The following MSH6 variants were observed in gnomAD, a reference collection of about 807,000 sequenced individuals.
The protein encoded by MSH6 is mutS homolog 6, also known as DNA mismatch repair protein Msh6.
MSH6 carries 85 observed loss-of-function variants against 119.1 expected under a neutral mutation model. That is an observed-to-expected ratio of 0.71 (90% CI 0.60 to 0.85). The LOEUF is 0.85. MSH6 is among the 40% of genes least tolerant of loss of function. The pLI, the probability that MSH6 is intolerant of heterozygous loss-of-function variation, is 0.00. For synonymous variants in MSH6, 830 were observed against 586.9 expected, an observed-to-expected ratio of 1.41 and a Z score of -5.99; for missense variants, 2,163 against 1,655.3, an observed-to-expected ratio of 1.31 and a Z score of -5.32.
At chr2:47,783,918 C>CA in intron 1 of MSH6, 1 of 835,328 alleles carries the variant, frequency 1.2e-6, no homozygotes, top group Non-Finnish European at 1.3e-6. Flanking sequence ...GGCGGGGTGG[C>CA]GGGAAGGAGG....
rs587778529 is a variant in MSH6, at chr2:47,799,847, A to C, written c.1864A>C (p.Ile622Leu). ...SLSCSLQEGL[I>L]PGSQFWDASK... ...GTCCTGTTCTCTTCAGGAAGGTCTG[A>C]TACCCGGCTCCCAGTTTTGGGATGC... is the stretch of plus-strand genomic sequence containing the variant. Residue 622 changes from isoleucine to leucine, a missense_variant, in exon 4 of 10, where the codon ATA (isoleucine) becomes CTA (leucine). Transcript: ENST00000234420. 9 of 1,614,102 alleles carry C rather than the reference A, an allele frequency of 5.6e-6. No individual in the cohort carries two copies. The highest frequency in any genetic ancestry group is 7.6e-6 in the Non-Finnish European group (9 of 1,180,048).
At position 47,800,484 on chromosome 2, in the gene MSH6, G is replaced by C. The variant is rs752544046; in HGVS notation, c.2501G>C (p.Ser834Thr). ...KIHNVGSPLK[S>T]QNHPDSRAIM... ...CATAATGTTGGGTCTCCCCTGAAGA[G>C]TCAGAACCACCCAGACAGCAGGGCT... The change falls in exon 4 of 10, where the codon AGT becomes ACT. Residue 834 changes from serine (S) to threonine (T), a missense_variant. Ser to Thr is a moderately conservative substitution (Grantham distance 58, BLOSUM62 1). Transcript: ENST00000234420. 1.2e-6 allele frequency: 2 copies of C among 1,613,166 alleles called. No homozygotes were observed. The highest frequency in any genetic ancestry group is 1.7e-6 in the Non-Finnish European group (2 of 1,179,832).
intron 2 of MSH6, among the ~76,000 whole-genome samples, chr2:47,791,588 T>C (rs1668733171): frequency 6.6e-6 from 1 of 152,104 alleles, no homozygotes; most frequent in Non-Finnish European, 1.5e-5. Flanking sequence ...TCTAGTCTTG[T>C]TTATCACAGA....
At chr2:47,788,110 G>T (rs1668453977) in intron 1 of MSH6, among the ~76,000 whole-genome samples, 1 of 152,094 alleles carries the variant, frequency 6.6e-6, no homozygotes, top group South Asian at 2.1e-4. Flanking sequence ...TCAGAAACCA[G>T]TTTCCTGGGT....
At chr2:47,790,778 A>G (rs1192582819) in intron 1 of MSH6, 149 bp from the exon 2 acceptor site, 1 of 715,006 alleles carries the variant, frequency 1.4e-6, no homozygotes, top group Non-Finnish European at 2.4e-6. Context: ...TTTTTAAATG[A>G]CTTGAATATC....
rs863224328 is a variant in MSH6 at position 47,800,488 on chromosome 2, G to C, written c.2505G>C (p.Gln835His). Residue 835 changes from glutamine to histidine, a missense_variant, in exon 4 of 10, where the codon CAG becomes CAC. By Grantham distance (24) the Gln-to-His change is conservative. Transcript: ENST00000234420. ...ATGTTGGGTCTCCCCTGAAGAGTCA[G>C]AACCACCCAGACAGCAGGGCTATAA... ...IHNVGSPLKS[Q>H]NHPDSRAIMY... is the part of the protein sequence containing the mutation. 2.5e-6 allele frequency: 4 copies of C among 1,613,080 alleles called. No homozygotes were observed. The highest frequency in any genetic ancestry group is 3.4e-6 in the Non-Finnish European group (4 of 1,179,806).
Position 47,803,482 on chromosome 2 carries a change from A to G in MSH6, c.3235A>G (p.Ile1079Val), listed in dbSNP as rs587779933. ...TGATGGTCCTATGTGTCGCCCAGTA[A>G]TTCTGTTGCCGGAAGATACCCCCCC... ...GGDGPMCRPV[I>V]LLPEDTPPFL... Residue 1079 changes from isoleucine to valine, a missense_variant, in exon 5 of 10, where the codon ATT becomes GTT. Coordinates refer to ENST00000234420, the MANE Select transcript of MSH6 (RefSeq NM_000179.3). The G allele has an allele frequency of 1.2e-6, 2 of 1,614,108 alleles. No individual in the cohort carries two copies. The highest frequency in any genetic ancestry group is 1.1e-5 in the South Asian group (1 of 91,070).
At chr2:47,798,580 T>C in intron 3 of MSH6, 31 bp from the exon 4 acceptor site, 8 of 1,602,676 alleles carry the variant, frequency 5.0e-6, no homozygotes, top group Non-Finnish European at 6.8e-6. Flanking sequence ...AATTTTGATT[T>C]GTTTTTAAAT....
chr2:47,794,753 C>T (rs966862256), intron 2 of MSH6, among the ~76,000 whole-genome samples: 1 of 152,050 alleles, frequency 6.6e-6, no homozygotes, highest in Non-Finnish European at 1.5e-5. Flanking sequence ...TATTTAATAT[C>T]ATAGCTGCAT....
downstream of MSH6, chr2:47,808,269 A>G: frequency 1.9e-6 from 3 of 1,612,774 alleles, no homozygotes; most frequent in East Asian, 2.2e-5. Context: ...TGAAACCCAA[A>G]TATTAGAAAA....
In MSH6 at chr2:47,790,960, C is replaced by G. The variant is rs1245964043; in HGVS notation, c.294C>G (p.Ala98=). 1.9e-6 allele frequency: 3 copies of G among 1,613,992 alleles called. No individual in the cohort carries two copies. Among genetic ancestry groups the G allele is most frequent in the Non-Finnish European group, 2.5e-6 (3 of 1,180,034 alleles). ...CDFSPGDLVW[A]KMEGYPWWPC... is the part of the protein sequence containing the mutation. ...TCTCACCAGGAGATTTGGTTTGGGC[C>G]AAGATGGAGGGTTACCCCTGGTGGC... Residue 98 remains alanine, a synonymous_variant, in exon 2 of 10, where the codon GCC becomes GCG. Transcript: ENST00000234420.
intron 2 of MSH6, among the ~76,000 whole-genome samples, chr2:47,795,406 G>T (rs192507255): frequency 6.8e-6 from 1 of 146,232 alleles, no homozygotes; most frequent in Non-Finnish European, 1.5e-5. Context: ...CAAGTGTCCA[G>T]CCAACAAGTT....
intron 2 of MSH6, among the ~76,000 whole-genome samples, chr2:47,792,589 AG>A (rs1414920436): frequency 2.6e-5 from 4 of 152,100 alleles, no homozygotes; most frequent in Non-Finnish European, 5.9e-5. Flanking sequence ...CCTGAGCTCA[AG>A]CAGTCTGCCC....
intron 3 of MSH6, 55 bp from the exon 4 acceptor site, chr2:47,798,556 A>C: frequency 6.3e-7 from 1 of 1,583,212 alleles, no homozygotes; most frequent in South Asian, 1.1e-5. Context: ...ACTGTCTTAC[A>C]TTATGGTTTT....
chr2:47,783,525 G>A (rs1052910806), intron 1 of MSH6, 32 bp downstream of exon 1: 4 of 1,411,364 alleles, frequency 2.8e-6, no homozygotes, highest in Non-Finnish European at 2.8e-6. Flanking sequence ...CGAAGGCGGG[G>A]GCATAGCGGC....
intron 1 of MSH6, chr2:47,784,461 CT>C (rs1234514213): frequency 0.011 from 1,621 of 142,650 alleles, 6 homozygotes; most frequent in Middle Eastern, 0.034. Context: ...CAGTTAAGTG[CT>C]TTTTTTTTTT....
At chr2:47,788,906 CCTTTTTTTTTTTTTTGTTTTTTTTTTT>C (rs1192909939) in intron 1 of MSH6, among the ~76,000 whole-genome samples, 3 of 15,834 alleles carry the variant, frequency 1.9e-4, no homozygotes, top group Admixed American at 1.3e-3. Context: ...CTTTCTTCTT[CCTTTTTTTTTTTTTTGTTTTTTTTTTT>C]TTTTTTTTTT....
At chr2:47,786,268 G>A (rs1572702160) in intron 1 of MSH6, among the ~76,000 whole-genome samples, 1 of 152,112 alleles carries the variant, frequency 6.6e-6, no homozygotes, top group East Asian at 1.9e-4. Context: ...ATCATGAACA[G>A]TCTGATGAGC....
chr2:47,793,587 A>G (rs2104175104), intron 2 of MSH6, among the ~76,000 whole-genome samples: 1 of 151,270 alleles, frequency 6.6e-6, no homozygotes, highest in South Asian at 2.1e-4. Context: ...AGCCTGGGGA[A>G]CGGAGTGAGA....
Sources: allele counts gnomAD v4.1 joint callset (sites outside exome capture counted in the v4.1 genomes callset), GRCh38; gene constraint gnomAD v4.1.1; transcripts MANE v1.5; gene names NCBI Gene and HGNC (gene_info 2026-07-23, HGNC 2026-07-21).